The following CDC14A variants were observed in gnomAD, a reference collection of about 807,000 sequenced individuals.
The protein encoded by CDC14A is cell division cycle 14A.
Under a neutral mutation model 74.4 loss-of-function variants are expected in CDC14A, and 53 were observed. The observed-to-expected ratio is 0.71, with a 90% CI of 0.57 to 0.89. The LOEUF is 0.89. CDC14A is among the 40% of genes least tolerant of loss of function. The pLI is 0.00. For synonymous variants in CDC14A, 247 were observed against 258.4 expected (o/e 0.96, Z 0.43); for missense variants, 646 against 713.7 (o/e 0.91, Z 1.08).
intron 15 of CDC14A, among the ~76,000 whole-genome samples, chr1:100,516,091 C>A (rs1182334387): frequency 1.3e-5 from 2 of 152,114 alleles, no homozygotes; most frequent in East Asian, 3.9e-4. Flanking sequence ...TAAACACCAG[C>A]CAGAGTTTTT....
At chr1:100,491,914 G>A (rs911836962) in intron 11 of CDC14A, among the ~76,000 whole-genome samples, 5 of 140,762 alleles carry the variant, frequency 3.6e-5, no homozygotes, top group African/African-American at 7.8e-5. Context: ...CCTCGTGGTC[G>A]TCACCACCGC....
intron 4 of CDC14A, 170 bp from the exon 5 acceptor site, chr1:100,424,052 C>T (rs561628364): frequency 2.5e-4 from 145 of 575,708 alleles, no homozygotes; most frequent in Non-Finnish European, 4.0e-4. Context: ...AAGGCTGCTG[C>T]GCAGCTTCAT....
intron 15 of CDC14A, among the ~76,000 whole-genome samples, chr1:100,511,295 G>C (rs967818437): frequency 1.1e-4 from 17 of 152,278 alleles, no homozygotes; most frequent in East Asian, 1.9e-4. Context: ...TGGGGAAAGA[G>C]AAGCCTGCAC....
chr1:100,416,741 T>A (rs1661576847), intron 4 of CDC14A, among the ~76,000 whole-genome samples: 1 of 152,234 alleles, frequency 6.6e-6, no homozygotes, highest in Non-Finnish European at 1.5e-5. Flanking sequence ...GTAGAAGAGC[T>A]ATGTGCTAGA....
chr1:100,428,594 G>T (rs371986470), intron 5 of CDC14A, among the ~76,000 whole-genome samples: 3 of 152,126 alleles, frequency 2.0e-5, no homozygotes, highest in African/African-American at 7.2e-5. Context: ...AAACAAAGTC[G>T]TATTAATCTC....
chr1:100,400,302 A>C (rs1400707627), intron 4 of CDC14A, among the ~76,000 whole-genome samples: 1 of 152,244 alleles, frequency 6.6e-6, no homozygotes, highest in Non-Finnish European at 1.5e-5. Flanking sequence ...TTACATTGAC[A>C]TTAAAAAACT....
At chr1:100,441,383 G>T (rs1428156798) in intron 6 of CDC14A, among the ~76,000 whole-genome samples, 1 of 152,094 alleles carries the variant, frequency 6.6e-6, no homozygotes, top group African/African-American at 2.4e-5. Flanking sequence ...CCATATTCTG[G>T]GCTATTTTTG....
chr1:100,498,388 T>C (rs1648189438), intron 14 of CDC14A, among the ~76,000 whole-genome samples, 181 bp downstream of exon 14: 2 of 152,146 alleles, frequency 1.3e-5, no homozygotes, highest in Admixed American at 1.3e-4. Context: ...GACAAGGTTG[T>C]GGAGGGAATG....
At chr1:100,373,741 T>A (rs113513395) in intron 2 of CDC14A, among the ~76,000 whole-genome samples, 3,395 of 152,316 alleles carry the variant, frequency 0.022, 68 homozygotes, top group African/African-American at 0.048. Flanking sequence ...AACACCACAC[T>A]GGGAAGTTAA....
intron 15 of CDC14A, among the ~76,000 whole-genome samples, chr1:100,517,226 C>A (rs112812713): frequency 1.2e-4 from 19 of 152,274 alleles, no homozygotes; most frequent in African/African-American, 3.9e-4. Context: ...TTTGTAAGTT[C>A]TTTGGAAAAT....
chr1:100,349,089 T>G (rs1043479869), upstream of CDC14A, among the ~76,000 whole-genome samples: 7 of 152,040 alleles, frequency 4.6e-5, no homozygotes, highest in African/African-American at 1.7e-4. Flanking sequence ...CCAGCTACTC[T>G]GGAGGCTGTG....
At chr1:100,417,068 G>C (rs1186185044) in intron 4 of CDC14A, among the ~76,000 whole-genome samples, 1 of 152,170 alleles carries the variant, frequency 6.6e-6, no homozygotes. Context: ...GGGGAGACAG[G>C]CTCAATCAAA....
chr1:100,369,266 G>A lies in CDC14A; in HGVS notation c.141-8280G>A, dbSNP rs534537035. Among the ~76,000 whole-genome samples the A allele has an allele frequency of 3.9e-5, 6 of 152,074 alleles. No homozygotes were observed. In the East Asian group the frequency reaches 7.7e-4, roughly 20 times the overall value. On this transcript the variant is annotated intron_variant, in intron 2 of 15. Transcript: ENST00000336454. ...TGTGACTACAGGCATGTGCCACCAC[G>A]CCCAGCTAATTTTTGTATTTTTAGT...
chr1:100,347,122 G>A (rs1233796583), intron 1 of CDC14A, among the ~76,000 whole-genome samples: 1 of 152,182 alleles, frequency 6.6e-6, no homozygotes, highest in African/African-American at 2.4e-5. Context: ...TGGCTAATGT[G>A]TAATAATCTA....
chr1:100,515,392 T>C (rs1349788956), intron 15 of CDC14A, among the ~76,000 whole-genome samples: 1 of 151,624 alleles, frequency 6.6e-6, no homozygotes, highest in African/African-American at 2.4e-5. Context: ...CTTTCTTTTT[T>C]TTTTTTTTTG....
rs956150683 is a variant in CDC14A at position 100,503,053 on chromosome 1, C to G, written c.1755+3791C>G. ...TTGTAGCAGACCTTCCCCCCTTTAA[C>G]TTTGCTTAGAAAACCTCCTGTGAGA... On this transcript the variant is annotated intron_variant, in intron 15 of 15. Coordinates refer to ENST00000336454, the MANE Select transcript of CDC14A (RefSeq NM_003672.4). Among the ~76,000 whole-genome samples, 3 of 152,186 alleles carry G rather than the reference C, an allele frequency of 2.0e-5. 1 individual carries two copies. Among genetic ancestry groups the G allele is most frequent in the Admixed American group, 2.0e-4 (3 of 15,266 alleles).
chr1:100,408,746 T>G (rs1053269920), intron 4 of CDC14A, among the ~76,000 whole-genome samples: 1 of 152,224 alleles, frequency 6.6e-6, no homozygotes, highest in Non-Finnish European at 1.5e-5. Context: ...TCATGTCCTT[T>G]GCCCACATAA....
At chr1:100,503,755 C>CA (rs747167170) in intron 15 of CDC14A, among the ~76,000 whole-genome samples, 2 of 152,214 alleles carry the variant, frequency 1.3e-5, no homozygotes, top group Non-Finnish European at 2.9e-5. Context: ...CCCTGACACT[C>CA]AGAGGAGTTT....
chr1:100,495,976 T>C, intron 12 of CDC14A, 26 bp from the exon 13 acceptor site: 1 of 1,608,894 alleles, frequency 6.2e-7, no homozygotes, highest in South Asian at 1.1e-5. Flanking sequence ...TGGTGATATG[T>C]GAGCATCTGT....
Sources: gnomAD v4.1 joint callset for allele counts (sites outside exome capture counted in the v4.1 genomes callset) on GRCh38, gnomAD v4.1.1 for gene constraint, MANE v1.5 for transcripts, NCBI Gene and HGNC (gene_info 2026-07-23, HGNC 2026-07-21) for gene names.